The following KIAA1614 variants were observed in gnomAD, a reference collection of about 807,000 sequenced individuals.
KIAA1614 encodes the protein uncharacterized protein KIAA1614.
In KIAA1614, 76 loss-of-function variants were observed where a neutral mutation model predicts 88.7. That is an observed-to-expected ratio of 0.86 (90% confidence interval 0.71 to 1.04). The LOEUF is 1.04. Ranked by LOEUF, KIAA1614 falls within the 50% of genes least tolerant of loss-of-function variation. The probability of loss-of-function intolerance (pLI) is 0.00; values close to 1 mark genes in which losing one functional copy is unlikely to be tolerated. For synonymous variants in KIAA1614, 714 were observed against 675.5 expected (o/e 1.06, Z -0.88); for missense variants, 1,553 against 1,582.5 (o/e 0.98, Z 0.32).
chr1:180,943,659 T>C (rs779250146), intron 7 of KIAA1614, among the ~76,000 whole-genome samples: 7 of 147,328 alleles, frequency 4.8e-5, no homozygotes, highest in African/African-American at 7.5e-5. Context: ...GTGAGTCTCC[T>C]GCTTCAGCCT....
chr1:180,927,764 G>A (rs897584623), intron 3 of KIAA1614, among the ~76,000 whole-genome samples: 4 of 152,156 alleles, frequency 2.6e-5, no homozygotes, highest in Non-Finnish European at 4.4e-5. Flanking sequence ...TATGAAAGTC[G>A]AACCACTTGC....
intron 3 of KIAA1614, among the ~76,000 whole-genome samples, chr1:180,921,651 G>T (rs1043029963): frequency 1.3e-5 from 2 of 152,200 alleles, no homozygotes; most frequent in African/African-American, 4.8e-5. Context: ...AGCCTGCTCT[G>T]TTCTCAGGTG....
chr1:180,935,526 C>A lies in KIAA1614; in HGVS notation c.1617C>A (p.Cys539Ter). ...GCAGCGAGAGGAGGTGCCAGGCCTG[C>A]GGCAGCTGCATCGACGACCCGCGCC... Reference protein sequence around the residue: ...APGSERRCQACGSCIDDPRPA... With the variant: ...APGSERRCQA The change falls in exon 5 of 9, where the codon TGC becomes TGA. Residue 539 changes from cysteine to a stop codon, truncating the protein, a stop_gained. Coordinates refer to ENST00000367588, the MANE Select transcript of KIAA1614 (RefSeq NM_020950.2). LOFTEE classifies it high-confidence loss of function. This position sits in a 1 kb window ranked among gnomAD's most constrained non-coding sequence, Gnocchi z 6.1. The A allele has an allele frequency of 1.3e-6, 2 of 1,556,724 alleles. No homozygotes were observed. Among genetic ancestry groups the A allele is most frequent in the Non-Finnish European group, 1.7e-6 (2 of 1,154,634 alleles).
In KIAA1614 at chr1:180,936,125, C is replaced by T. The variant is rs1480772048; in HGVS notation, c.2216C>T (p.Ser739Phe). 6.8e-6 allele frequency: 11 copies of T among 1,614,164 alleles called. No homozygotes were observed. The South Asian group carries it at 8.8e-5, about 13-fold the overall frequency. ...AGTCACCAGCCTCACCCTTTGGATTCCCGGACTCCATGCAGGACAGCCTAT... is the reference window on the plus strand; with the variant it reads ...AGTCACCAGCCTCACCCTTTGGATTTCCGGACTCCATGCAGGACAGCCTAT... The part of the protein sequence containing the change: ...LGSHQPHPLD[S>F]RTPCRTAYAT... The change falls in exon 5 of 9, where the codon TCC becomes TTC. Residue 739 changes from serine (S) to phenylalanine (F), a missense_variant. By Grantham distance (155) the Ser-to-Phe change is radical. Transcript: ENST00000367588.
intron 6 of KIAA1614, 39 bp from the exon 7 acceptor site, chr1:180,941,006 G>GGCGCC: frequency 1.1e-6 from 1 of 908,440 alleles, no homozygotes; most frequent in Non-Finnish European, 1.5e-6. Flanking sequence ...CACCCTCCCG[G>GGCGCC]CCCTCCCCCG....
At chr1:180,943,865 A>G (rs545505036) in intron 7 of KIAA1614, among the ~76,000 whole-genome samples, 77 of 152,188 alleles carry the variant, frequency 5.1e-4, no homozygotes, top group Non-Finnish European at 9.1e-4. Context: ...TCTCTTTTTA[A>G]TGTGCACTGA....
intron 3 of KIAA1614, among the ~76,000 whole-genome samples, chr1:180,920,146 CA>C (rs1258672855): frequency 6.6e-6 from 1 of 152,182 alleles, no homozygotes; most frequent in African/African-American, 2.4e-5. Context: ...TGAAGCCCCT[CA>C]GATAGGGTTC....
At chr1:180,925,292 A>G (rs1654043731) in intron 3 of KIAA1614, among the ~76,000 whole-genome samples, 1 of 152,254 alleles carries the variant, frequency 6.6e-6, no homozygotes, top group Admixed American at 6.5e-5. Context: ...AATTGCACAC[A>G]GAATCACAGT....
chr1:180,935,375 G>A lies in KIAA1614; in HGVS notation c.1466G>A (p.Arg489His). The change falls in exon 5 of 9, where the codon CGC becomes CAC. Residue 489 changes from arginine to histidine, a missense_variant. By Grantham distance (29) the Arg-to-His change is conservative. Transcript: ENST00000367588. The surrounding 1 kb of genome is among the most constrained non-coding windows in gnomAD (Gnocchi z 6.1). The stretch of plus-strand genomic sequence containing the variant: ...CAGGCCGCGGACCAGGGCCCCCTGC[G>A]CTCCAAGCCCGACCTCGCCGACTAC... The part of the protein sequence containing the change: ...VLQAADQGPL[R>H]SKPDLADYIN... 3 of 1,462,950 alleles carry A rather than the reference G, an allele frequency of 2.1e-6. No homozygotes were observed. Among genetic ancestry groups the A allele is most frequent in the Non-Finnish European group, 2.7e-6 (3 of 1,113,492 alleles). The allele number at this position is 1,462,950 out of a possible 1,614,324, so 90.6% of individuals were successfully genotyped here. A position where few individuals can be genotyped will look rare whatever the true frequency, so the allele number is the denominator to read the frequency against.
intron 3 of KIAA1614, among the ~76,000 whole-genome samples, chr1:180,919,773 T>A (rs1296816358): frequency 6.6e-6 from 1 of 152,160 alleles, no homozygotes; most frequent in African/African-American, 2.4e-5. Context: ...CCCTTAGTGC[T>A]GTGAGGAGAT....
intron 7 of KIAA1614, among the ~76,000 whole-genome samples, chr1:180,941,908 C>T (rs1319974445): frequency 6.6e-6 from 1 of 152,196 alleles, no homozygotes; most frequent in Non-Finnish European, 1.5e-5. Context: ...GCAGTTCTGT[C>T]GATCACACAC....
rs116509877 is a variant in KIAA1614 at position 180,945,871 on chromosome 1, G to A, written c.*283G>A. 262 of 1,078,918 alleles carry A rather than the reference G, an allele frequency of 2.4e-4. No individual in the cohort carries two copies. The Middle Eastern group carries it at 2.6e-3, about 11-fold the overall frequency. 66.8% of individuals were successfully genotyped at this position (1,078,918 alleles called of 1,614,324 possible). ...TGTAATCCCAGAACTTTGGGAGGCCGAGGCGCCTGGATCACCTGAGGTCAG... is the reference window on the plus strand; with the variant it reads ...TGTAATCCCAGAACTTTGGGAGGCCAAGGCGCCTGGATCACCTGAGGTCAG... On this transcript the variant is annotated 3_prime_UTR_variant, in exon 9 of 9. Coordinates refer to ENST00000367588, the MANE Select transcript of KIAA1614 (RefSeq NM_020950.2).
At chr1:180,928,765 A>G (rs1654129635) in intron 4 of KIAA1614, among the ~76,000 whole-genome samples, 192 bp downstream of exon 4, 1 of 152,096 alleles carries the variant, frequency 6.6e-6, no homozygotes. Context: ...GCCTACAGTC[A>G]GGCACTGAGA....
intron 8 of KIAA1614, 74 bp from the exon 9 acceptor site, chr1:180,945,229 T>A: frequency 6.8e-7 from 1 of 1,476,244 alleles, no homozygotes; most frequent in East Asian, 2.5e-5. Flanking sequence ...GCATCGGTCA[T>A]CTGTAAGCCA....
intron 4 of KIAA1614, among the ~76,000 whole-genome samples, chr1:180,934,092 T>A (rs1288578823): frequency 6.6e-6 from 1 of 151,714 alleles, no homozygotes; most frequent in Non-Finnish European, 1.5e-5. Flanking sequence ...CCGTCTCTAC[T>A]AAAAATACAA....
chr1:180,924,345 T>A (rs1339561163), intron 3 of KIAA1614, among the ~76,000 whole-genome samples: 1 of 152,158 alleles, frequency 6.6e-6, no homozygotes, highest in Non-Finnish European at 1.5e-5. Flanking sequence ...GCCACCCAGG[T>A]CCCACACCTG....
chr1:180,940,546 T>C (rs187735293), intron 6 of KIAA1614, among the ~76,000 whole-genome samples: 1 of 152,290 alleles, frequency 6.6e-6, no homozygotes, highest in Admixed American at 6.5e-5. Flanking sequence ...GGGTGGGCTC[T>C]GAGCTGAGTA....
chr1:180,915,143 G>C lies in KIAA1614; in HGVS notation c.51-1011G>C, dbSNP rs146420017. 4.1e-3 allele frequency among the ~76,000 whole-genome samples: 617 copies of C among 152,342 alleles called. 4 individuals are homozygous for C. The highest frequency in any genetic ancestry group is 0.013 in the African/African-American group (553 of 41,572). ...GTTAGGGACAGGATTATTGGGGGGA[G>C]TGTGTTTGAAAGCACTTGCAGTCCC... On this transcript the variant is annotated intron_variant, in intron 1 of 8. Transcript: ENST00000367588.
In KIAA1614 at chr1:180,946,319, CGAT is replaced by C. The variant is rs764557598; in HGVS notation, c.*735_*737del. On this transcript the variant is annotated 3_prime_UTR_variant, in exon 9 of 9. Transcript: ENST00000367588. ...CCCGTCCCTCCCTCAGGCCTGTGCCCGATGATTATGTTCAGATGAATCCTGGCT... is the reference window on the plus strand; with the variant it reads ...CCCGTCCCTCCCTCAGGCCTGTGCCCGATTATGTTCAGATGAATCCTGGCT... 5 of 152,152 alleles carry C rather than the reference CGAT, an allele frequency of 3.3e-5. No individual in the cohort carries two copies. The highest frequency in any genetic ancestry group is 5.9e-5 in the Non-Finnish European group (4 of 68,074). 9.4% of individuals were successfully genotyped at this position (152,152 alleles called of 1,614,324 possible). A position where few individuals can be genotyped will look rare whatever the true frequency, so the allele number is the denominator to read the frequency against.
Sources: allele counts gnomAD v4.1 joint callset (sites outside exome capture counted in the v4.1 genomes callset), GRCh38; gene constraint gnomAD v4.1.1; non-coding constraint Gnocchi (gnomAD v3.1); transcripts MANE v1.5; gene names NCBI Gene and HGNC (gene_info 2026-07-23, HGNC 2026-07-21).